Variants in MACROD2 observed in about 807,000 individuals in gnomAD.
MACROD2 encodes mono-ADP ribosylhydrolase 2.
Under a neutral mutation model 70.4 loss-of-function variants are expected in MACROD2, and 36 were observed. The ratio of observed to expected loss-of-function variants is 0.51; its 90% CI spans 0.39 to 0.68. The LOEUF (loss-of-function observed/expected upper bound fraction) is 0.68. MACROD2 is among the 30% of genes least tolerant of loss of function. The pLI, the probability that MACROD2 is intolerant of heterozygous loss-of-function variation, is 0.00. For synonymous variants in MACROD2, 172 were observed against 178.8 expected (o/e 0.96, Z 0.30); for missense variants, 496 against 538.4 (o/e 0.92, Z 0.78).
intron 3 of MACROD2, among the ~76,000 whole-genome samples, chr20:14,232,125 T>G (rs2081820091): frequency 6.6e-6 from 1 of 152,260 alleles, no homozygotes. Context: ...TCTTTTGCTG[T>G]GCAGAAGCTC....
chr20:15,663,149 G>C (rs1187447102), intron 8 of MACROD2, among the ~76,000 whole-genome samples: 1 of 151,920 alleles, frequency 6.6e-6, no homozygotes, highest in African/African-American at 2.4e-5. Context: ...ATCAGTAAAT[G>C]GTTGCTGGTT....
intron 3 of MACROD2, among the ~76,000 whole-genome samples, chr20:14,211,101 T>C (rs1029622301): frequency 6.6e-6 from 1 of 152,240 alleles, no homozygotes; most frequent in African/African-American, 2.4e-5. Context: ...TGAGGAATTA[T>C]ACAGCAAATG....
intron 3 of MACROD2, among the ~76,000 whole-genome samples, chr20:14,420,227 T>C (rs958026273): frequency 2.6e-5 from 4 of 151,396 alleles, no homozygotes; most frequent in Non-Finnish European, 4.4e-5. Flanking sequence ...GCAATACCAC[T>C]CATATGAGTA....
At chr20:15,925,821 A>G (rs1236268313) in intron 10 of MACROD2, among the ~76,000 whole-genome samples, 1 of 152,152 alleles carries the variant, frequency 6.6e-6, no homozygotes, top group Non-Finnish European at 1.5e-5. Context: ...TTCTACATGG[A>G]CAATGCTGTT....
intron 8 of MACROD2, among the ~76,000 whole-genome samples, chr20:15,658,600 C>T (rs918679649): frequency 6.6e-6 from 1 of 152,182 alleles, no homozygotes; most frequent in Non-Finnish European, 1.5e-5. Flanking sequence ...CAGTGGTCAT[C>T]GTGTCAGAAT....
intron 3 of MACROD2, among the ~76,000 whole-genome samples, chr20:14,422,047 C>T (rs1293102006): frequency 6.6e-6 from 1 of 152,114 alleles, no homozygotes; most frequent in Non-Finnish European, 1.5e-5. Flanking sequence ...TTTCTTCCTT[C>T]AATTCTAGGA....
chr20:14,420,593 T>G (rs999224999), intron 3 of MACROD2, among the ~76,000 whole-genome samples: 2 of 152,186 alleles, frequency 1.3e-5, no homozygotes, highest in African/African-American at 4.8e-5. Flanking sequence ...CATTATTGAG[T>G]TTTAGGAGTT....
intron 12 of MACROD2, among the ~76,000 whole-genome samples, chr20:15,958,440 A>G (rs1332670575): frequency 6.6e-6 from 1 of 152,184 alleles, no homozygotes; most frequent in East Asian, 1.9e-4. Flanking sequence ...TCCGTGCTAT[A>G]CAAACACTGA....
intron 5 of MACROD2, among the ~76,000 whole-genome samples, chr20:14,962,470 A>T (rs1320536087): frequency 6.8e-6 from 1 of 147,300 alleles, no homozygotes; most frequent in South Asian, 2.1e-4. Flanking sequence ...TATAGTATTT[A>T]TATATAGTTA....
intron 8 of MACROD2, among the ~76,000 whole-genome samples, chr20:15,773,937 C>T (rs1174650363): frequency 1.3e-5 from 2 of 152,028 alleles, no homozygotes; most frequent in African/African-American, 2.4e-5. Flanking sequence ...TTAATATCTT[C>T]CTTGGAGCAA....
chr20:15,310,307 G>T (rs1254288932), intron 6 of MACROD2, among the ~76,000 whole-genome samples: 1 of 152,102 alleles, frequency 6.6e-6, no homozygotes, highest in Non-Finnish European at 1.5e-5. Flanking sequence ...TAGAATTGGG[G>T]CCCAATGTTG....
intron 5 of MACROD2, among the ~76,000 whole-genome samples, chr20:14,951,857 CG>C (rs2074478660): frequency 6.6e-6 from 1 of 151,956 alleles, no homozygotes; most frequent in East Asian, 1.9e-4. Flanking sequence ...TCTTTCCTCC[CG>C]TGTTTTTCCA....
At chr20:15,084,074 T>TTTTGTTTTTTTG (rs11466981) in intron 5 of MACROD2, among the ~76,000 whole-genome samples, 61,204 of 116,726 alleles carry the variant, frequency 0.52, 13,891 homozygotes, top group East Asian at 0.72. Context: ...TTTTTTTTGT[T>TTTTGTTTTTTTG]TTTTTTTTTT....
chr20:15,567,039 A>G (rs1008039243), intron 8 of MACROD2, among the ~76,000 whole-genome samples: 7 of 151,598 alleles, frequency 4.6e-5, no homozygotes, highest in Non-Finnish European at 5.9e-5. Flanking sequence ...AAGCAGATTT[A>G]TGACTGAAAG....
intron 3 of MACROD2, among the ~76,000 whole-genome samples, chr20:14,234,515 C>G (rs894774687): frequency 1.4e-4 from 22 of 152,168 alleles, no homozygotes; most frequent in African/African-American, 9.7e-5. Flanking sequence ...AATGATCTTA[C>G]ATTAAATATT....
intron 3 of MACROD2, among the ~76,000 whole-genome samples, chr20:14,124,116 T>C (rs1249093839): frequency 6.6e-6 from 1 of 152,218 alleles, no homozygotes; most frequent in African/African-American, 2.4e-5. Flanking sequence ...TTTCTATTTG[T>C]ATAAATTGAG....
At chr20:14,218,512 G>A (rs2122159141) in intron 3 of MACROD2, among the ~76,000 whole-genome samples, 1 of 152,264 alleles carries the variant, frequency 6.6e-6, no homozygotes, top group East Asian at 1.9e-4. Context: ...TACATTCAAT[G>A]TTAGTATTGA....
At chr20:15,494,209 C>T (rs1008327194) in intron 7 of MACROD2, among the ~76,000 whole-genome samples, 2 of 152,160 alleles carry the variant, frequency 1.3e-5, no homozygotes, top group African/African-American at 4.8e-5. Flanking sequence ...TAAAACACAT[C>T]ATTTTACACT....
At position 15,389,178 on chromosome 20, in the gene MACROD2, A is replaced by G. The variant is rs143652811; in HGVS notation, c.541-42227A>G. ...AACCTGTTGCCTCTTTCAAGAACCT[A>G]GGGTTGCCAGATTTAGCAAATAAGA... On this transcript the variant is annotated intron_variant, in intron 6 of 17. Transcript: ENST00000684519. Among the ~76,000 whole-genome samples the G allele has an allele frequency of 1.3e-3, 193 of 152,268 alleles. 1 individual carries two copies. Among genetic ancestry groups the G allele is most frequent in the African/African-American group, 4.4e-3 (183 of 41,564 alleles).
Sources: gnomAD v4.1 joint callset for allele counts (sites outside exome capture counted in the v4.1 genomes callset) on GRCh38, gnomAD v4.1.1 for gene constraint, MANE v1.5 for transcripts, NCBI Gene and HGNC (gene_info 2026-07-23, HGNC 2026-07-21) for gene names.